CLVS1: variants seen among roughly 807,000 people sequenced by gnomAD.
The protein encoded by CLVS1 is clavesin 1, also known as clavesin-1.
In CLVS1, 10 loss-of-function variants were observed where a neutral mutation model predicts 33.1. That is an observed-to-expected ratio of 0.30 (90% CI 0.19 to 0.51). The LOEUF is 0.51. Among genes scored for constraint, CLVS1 ranks in the 20% least tolerant of loss-of-function variants. The pLI is 0.97. For synonymous variants in CLVS1, 163 were observed against 166.1 expected, an observed-to-expected ratio of 0.98 and a Z score of 0.14; for missense variants, 343 against 433.4, an observed-to-expected ratio of 0.79 and a Z score of 1.85.
chr8:61,355,567 C>G (rs1432440419), intron 2 of CLVS1, among the ~76,000 whole-genome samples: 1 of 152,098 alleles, frequency 6.6e-6, no homozygotes, highest in Non-Finnish European at 1.5e-5. Flanking sequence ...CTCCCCTCTT[C>G]CCCCACCCCA....
At chr8:61,167,001 TAATC>T (rs1806880193) in intron 2 of CLVS1, among the ~76,000 whole-genome samples, 1 of 151,058 alleles carries the variant, frequency 6.6e-6, no homozygotes, top group African/African-American at 2.4e-5. Flanking sequence ...TATTTTAATT[TAATC>T]AATAAATTTA....
At chr8:61,024,434 A>C in the CLVS1 span, among the ~76,000 whole-genome samples, 3 of 152,216 alleles carry the variant, frequency 2.0e-5, no homozygotes, top group East Asian at 5.8e-4. Context: ...ATCTTGCTTC[A>C]GTAAAGTTCC....
At chr8:61,098,598 C>T (rs1350750096) in intron 1 of CLVS1, among the ~76,000 whole-genome samples, 6 of 152,100 alleles carry the variant, frequency 3.9e-5, no homozygotes, top group Non-Finnish European at 8.8e-5. Context: ...ATTATTAGCT[C>T]ATTAATCCTT....
At chr8:61,440,865 T>G (rs1476904223) in intron 3 of CLVS1, among the ~76,000 whole-genome samples, 2 of 152,238 alleles carry the variant, frequency 1.3e-5, no homozygotes, top group Non-Finnish European at 2.9e-5. Flanking sequence ...GAAAATCCAT[T>G]GCCTATTAAG....
At chr8:61,147,145 A>T (rs1806437672) in intron 2 of CLVS1, among the ~76,000 whole-genome samples, 1 of 152,236 alleles carries the variant, frequency 6.6e-6, no homozygotes, top group Non-Finnish European at 1.5e-5. Context: ...CAGACTGGGC[A>T]TTGAAAGTCC....
chr8:61,385,764 C>A (rs565521417), intron 3 of CLVS1, among the ~76,000 whole-genome samples: 7 of 152,234 alleles, frequency 4.6e-5, no homozygotes, highest in African/African-American at 1.7e-4. Context: ...TTCAGGTATA[C>A]GTGACCTCTA....
chr8:61,052,862 G>T (rs977083747), upstream of CLVS1, among the ~76,000 whole-genome samples: 5 of 152,200 alleles, frequency 3.3e-5, no homozygotes, highest in Non-Finnish European at 7.3e-5. Flanking sequence ...AACACCAAAA[G>T]AGGACCAGGG....
In CLVS1 at chr8:61,097,556, AAG is replaced by A. The variant is rs535089395; in HGVS notation, c.-242-34207_-242-34206del. On this transcript the variant is annotated intron_variant, in intron 1 of 2. Transcript: ENST00000522621. Reference sequence around the variant, plus strand: ...AGCACAGGCTATTTTGTGGTGGAAGAAGAGAGAGTTCTCTGCTTTACAGACTA... The same window carrying A: ...AGCACAGGCTATTTTGTGGTGGAAGAAGAGAGTTCTCTGCTTTACAGACTA... Among the ~76,000 whole-genome samples, 14 of 152,320 alleles carry A rather than the reference AAG, an allele frequency of 9.2e-5. No homozygotes were observed. The South Asian group carries it at 2.5e-3, about 27-fold the overall frequency.
chr8:61,471,873 A>G (rs1257073758), intron 5 of CLVS1, among the ~76,000 whole-genome samples: 2 of 152,212 alleles, frequency 1.3e-5, no homozygotes, highest in Non-Finnish European at 2.9e-5. Flanking sequence ...TTTTGAAGTC[A>G]TAATGATGCT....
At chr8:61,322,041 C>A (rs955401607) in intron 2 of CLVS1, among the ~76,000 whole-genome samples, 1 of 151,952 alleles carries the variant, frequency 6.6e-6, no homozygotes, top group Non-Finnish European at 1.5e-5. Flanking sequence ...TCACCTGTAC[C>A]CTAGCTCCAC....
chr8:61,384,375 A>G (rs571643347), intron 3 of CLVS1, among the ~76,000 whole-genome samples: 1 of 152,330 alleles, frequency 6.6e-6, no homozygotes, highest in Non-Finnish European at 1.5e-5. Flanking sequence ...GGTTAGAGGC[A>G]GGAGAACCAA....
intron 1 of CLVS1, among the ~76,000 whole-genome samples, chr8:61,106,283 A>G (rs1250462952): frequency 6.6e-6 from 1 of 152,276 alleles, no homozygotes; most frequent in Non-Finnish European, 1.5e-5. Flanking sequence ...ACAGGAAACA[A>G]AACAACACAC....
chr8:61,021,461 T>C, the CLVS1 span, among the ~76,000 whole-genome samples: 2 of 151,892 alleles, frequency 1.3e-5, no homozygotes, highest in African/African-American at 4.8e-5. Context: ...AGCGATTCCC[T>C]TGCCTCAGCC....
intron 1 of CLVS1, among the ~76,000 whole-genome samples, chr8:61,088,988 G>C (rs1268442952): frequency 6.6e-6 from 1 of 151,988 alleles, no homozygotes; most frequent in African/African-American, 2.4e-5. Context: ...ATTTTTGGTA[G>C]AGACGGGGTT....
At chr8:61,188,881 T>C (rs1250025085) in intron 2 of CLVS1, among the ~76,000 whole-genome samples, 2 of 152,060 alleles carry the variant, frequency 1.3e-5, no homozygotes, top group African/African-American at 2.4e-5. Flanking sequence ...ATAGGTAATA[T>C]TTAAAAAATA....
At chr8:61,026,264 T>G in the CLVS1 span, among the ~76,000 whole-genome samples, 1 of 152,214 alleles carries the variant, frequency 6.6e-6, no homozygotes, top group Non-Finnish European at 1.5e-5. Flanking sequence ...GACAGCCATC[T>G]AAAGCCAAGG....
At chr8:61,137,823 A>G (rs528208060) in intron 2 of CLVS1, among the ~76,000 whole-genome samples, 8 of 152,338 alleles carry the variant, frequency 5.3e-5, no homozygotes, top group Admixed American at 4.6e-4. Flanking sequence ...TCCAGTCTGC[A>G]AAGGAGCTGA....
chr8:61,271,936 T>C (rs1349907015), intron 2 of CLVS1, among the ~76,000 whole-genome samples: 1 of 152,022 alleles, frequency 6.6e-6, no homozygotes. Context: ...GTTTCCTGAA[T>C]ACAGCACACT....
chr8:61,318,074 C>T (rs562524729), intron 2 of CLVS1, among the ~76,000 whole-genome samples: 1 of 152,230 alleles, frequency 6.6e-6, no homozygotes, highest in South Asian at 2.1e-4. Flanking sequence ...TGTCATTTCT[C>T]CTTTTTGCTT....
Sources: gnomAD v4.1 joint callset for allele counts (sites outside exome capture counted in the v4.1 genomes callset) on GRCh38, gnomAD v4.1.1 for gene constraint, MANE v1.5 for transcripts, NCBI Gene and HGNC (gene_info 2026-07-23, HGNC 2026-07-21) for gene names.